Variants in DCDC1 observed in about 807,000 individuals in gnomAD.
DCDC1 encodes the protein doublecortin domain-containing protein 1.
In DCDC1, 200 loss-of-function variants were observed where a neutral mutation model predicts 178.3. The observed-to-expected ratio is 1.12, with a 90% CI of 1.00 to 1.26. The LOEUF is 1.26. DCDC1 is among the 50% of genes most tolerant of loss of function. The pLI, the probability that DCDC1 is intolerant of heterozygous loss-of-function variation, is 0.00. For synonymous variants in DCDC1, 690 were observed against 604.8 expected, an observed-to-expected ratio of 1.14 and a Z score of -2.07; for missense variants, 1,983 against 1,749.2, an observed-to-expected ratio of 1.13 and a Z score of -2.38.
At chr11:30,953,425 G>C (rs1020861300) in intron 20 of DCDC1, among the ~76,000 whole-genome samples, 4 of 151,490 alleles carry the variant, frequency 2.6e-5, no homozygotes, top group Non-Finnish European at 5.9e-5. Flanking sequence ...TAACGTACTT[G>C]AAACCTTACA....
chr11:31,256,833 G>A (rs1944442966), intron 8 of DCDC1, among the ~76,000 whole-genome samples: 1 of 152,142 alleles, frequency 6.6e-6, no homozygotes, highest in Non-Finnish European at 1.5e-5. Context: ...AAATGCAGCT[G>A]GGATTATCTT....
intron 9 of DCDC1, among the ~76,000 whole-genome samples, chr11:31,164,075 G>A (rs1257073846): frequency 6.6e-6 from 1 of 152,078 alleles, no homozygotes; most frequent in East Asian, 1.9e-4. Context: ...GCAGTGGTGG[G>A]TCAAAGCAAC....
chr11:31,142,102 G>A (rs117924918), intron 9 of DCDC1, among the ~76,000 whole-genome samples: 3,993 of 152,290 alleles, frequency 0.026, 63 homozygotes, highest in Middle Eastern at 0.062. Context: ...GTATGGGAAC[G>A]GGAGGTGGCT....
intron 9 of DCDC1, among the ~76,000 whole-genome samples, chr11:31,160,523 C>T (rs572136473): frequency 6.6e-6 from 1 of 152,026 alleles, no homozygotes; most frequent in East Asian, 1.9e-4. Context: ...AAATTTCATC[C>T]CTTTGCATTA....
intron 36 of DCDC1, among the ~76,000 whole-genome samples, chr11:30,886,754 A>AT (rs375569160): frequency 0.037 from 5,414 of 147,048 alleles, 345 homozygotes; most frequent in African/African-American, 0.13. Flanking sequence ...AGCAGTCACT[A>AT]TTTTTTTTTT....
chr11:31,227,144 C>G (rs1591476934), intron 9 of DCDC1, among the ~76,000 whole-genome samples: 1 of 152,026 alleles, frequency 6.6e-6, no homozygotes, highest in Non-Finnish European at 1.5e-5. Context: ...CTGTGTTAGG[C>G]CATTTTTGCA....
chr11:30,930,800 AC>A (rs750451783), intron 22 of DCDC1, among the ~76,000 whole-genome samples: 14 of 152,196 alleles, frequency 9.2e-5, no homozygotes, highest in Non-Finnish European at 1.5e-4. Context: ...GTCATACACT[AC>A]TTTAAGGACA....
intron 7 of DCDC1, among the ~76,000 whole-genome samples, chr11:31,278,543 A>G (rs1227130004): frequency 1.3e-5 from 2 of 152,262 alleles, no homozygotes; most frequent in African/African-American, 2.4e-5. Context: ...GATATTGGCT[A>G]AAGTACACAA....
intron 21 of DCDC1, among the ~76,000 whole-genome samples, chr11:30,934,594 C>T (rs572894188): frequency 5.4e-4 from 82 of 152,258 alleles, no homozygotes; most frequent in African/African-American, 1.9e-3. Flanking sequence ...GAAGGGATTG[C>T]TCTGGGATCC....
intron 9 of DCDC1, among the ~76,000 whole-genome samples, chr11:31,219,051 C>T (rs917385823): frequency 3.5e-4 from 53 of 151,976 alleles, no homozygotes; most frequent in African/African-American, 1.2e-3. Context: ...AACGGAGCTC[C>T]GAAGGCTGGC....
chr11:31,336,748 A>C (rs1950291642), intron 1 of DCDC1, among the ~76,000 whole-genome samples: 1 of 152,216 alleles, frequency 6.6e-6, no homozygotes, highest in Non-Finnish European at 1.5e-5. Context: ...TAAAATAAAG[A>C]CTGTATTTTC....
intron 13 of DCDC1, among the ~76,000 whole-genome samples, chr11:31,105,339 A>G (rs1215767452): frequency 6.6e-6 from 1 of 152,006 alleles, no homozygotes; most frequent in East Asian, 1.9e-4. Flanking sequence ...AATATGATCC[A>G]ATTAGCCAAA....
intron 9 of DCDC1, among the ~76,000 whole-genome samples, chr11:31,203,670 C>A (rs1469175629): frequency 1.3e-5 from 2 of 152,102 alleles, no homozygotes; most frequent in East Asian, 1.9e-4. Context: ...CAAAAGATAC[C>A]TGCCCCAACA....
At chr11:31,012,087 A>G (rs1952205019) in intron 20 of DCDC1, among the ~76,000 whole-genome samples, 2 of 152,130 alleles carry the variant, frequency 1.3e-5, no homozygotes, top group Non-Finnish European at 2.9e-5. Flanking sequence ...CCAGCCGTGT[A>G]AGACATGCGT....
chr11:31,195,158 C>T (rs1330948517), intron 9 of DCDC1, among the ~76,000 whole-genome samples: 2 of 152,044 alleles, frequency 1.3e-5, no homozygotes, highest in African/African-American at 4.8e-5. Flanking sequence ...CCAGCAGTCT[C>T]CTACAAGAGC....
At chr11:30,955,399 G>T (rs991882401) in intron 20 of DCDC1, among the ~76,000 whole-genome samples, 1 of 151,960 alleles carries the variant, frequency 6.6e-6, no homozygotes, top group South Asian at 2.1e-4. Flanking sequence ...GCTTACTTTT[G>T]TTCTCTCTAC....
At chr11:31,197,454 T>G (rs1357559224) in intron 9 of DCDC1, among the ~76,000 whole-genome samples, 2 of 152,114 alleles carry the variant, frequency 1.3e-5, no homozygotes, top group Non-Finnish European at 2.9e-5. Context: ...CATTGCCTAA[T>G]TAATTGTTTT....
chr11:31,014,460 C>G (rs956343955), intron 20 of DCDC1, among the ~76,000 whole-genome samples: 2 of 152,130 alleles, frequency 1.3e-5, no homozygotes, highest in African/African-American at 4.8e-5. Context: ...ACTTTGACAG[C>G]TTGACTACAG....
At chr11:31,010,570 C>G (rs1235840223) in intron 20 of DCDC1, among the ~76,000 whole-genome samples, 5 of 152,104 alleles carry the variant, frequency 3.3e-5, no homozygotes, top group African/African-American at 1.2e-4. Flanking sequence ...ATCACCTTTG[C>G]CATTTTCTAT....
Sources: gnomAD v4.1 joint callset for allele counts (sites outside exome capture counted in the v4.1 genomes callset) on GRCh38, gnomAD v4.1.1 for gene constraint, MANE v1.5 for transcripts, NCBI Gene and HGNC (gene_info 2026-07-23, HGNC 2026-07-21) for gene names.